DLGAP2: variants seen among roughly 807,000 people sequenced by gnomAD.
The protein encoded by DLGAP2 is disks large-associated protein 2.
A neutral mutation model predicts 100.3 loss-of-function variants in DLGAP2; 26 were observed. The observed-to-expected ratio is 0.26, with a 90% CI of 0.19 to 0.36. The LOEUF is 0.36. Ranked by LOEUF, DLGAP2 falls within the 10% of genes least tolerant of loss-of-function variation. The pLI, the probability that DLGAP2 is intolerant of heterozygous loss-of-function variation, is 1.00. For synonymous variants in DLGAP2, 886 were observed against 630.1 expected (o/e 1.41, Z -6.08); for missense variants, 1,858 against 1,453.2 (o/e 1.28, Z -4.53).
rs1013772542 is a variant in DLGAP2 at position 1,691,611 on chromosome 8, T to C, written c.2781T>C (p.Leu927=). 2 of 1,613,818 alleles carry C rather than the reference T, an allele frequency of 1.2e-6. No individual in the cohort carries two copies. The highest frequency in any genetic ancestry group is 2.7e-5 in the African/African-American group (2 of 74,936). ...AGAAATTCCAGCAGTTTTATTGGCT[T>C]TGCCAACAGAATATGGTAAGTGAAT... ...MSQKFQQFYW[L]CQQNMDPSAM... The change falls in exon 13 of 15, where the codon CTT becomes CTC. Residue 927 remains leucine (L), a synonymous_variant. Transcript: ENST00000637795.
At chr8:924,642 G>C (rs1197302971) in intron 2 of DLGAP2, among the ~76,000 whole-genome samples, 1 of 151,892 alleles carries the variant, frequency 6.6e-6, no homozygotes, top group African/African-American at 2.4e-5. Flanking sequence ...GAGTGCAATG[G>C]CGCGATCTCT....
At chr8:1,473,634 T>C (rs575410442) in intron 3 of DLGAP2, among the ~76,000 whole-genome samples, 18 of 152,300 alleles carry the variant, frequency 1.2e-4, no homozygotes, top group African/African-American at 4.1e-4. Flanking sequence ...GTGTAGGCTA[T>C]GGTATGGTTT....
intron 3 of DLGAP2, among the ~76,000 whole-genome samples, chr8:1,317,386 C>T (rs185025374): frequency 1.0e-5 from 1 of 95,990 alleles, no homozygotes. Context: ...AAAAATAGAG[C>T]CTGTGCGAGT....
chr8:1,190,812 G>C (rs983443180), intron 2 of DLGAP2, among the ~76,000 whole-genome samples: 4 of 151,950 alleles, frequency 2.6e-5, no homozygotes, highest in African/African-American at 9.7e-5. Context: ...CGTGGGGTCT[G>C]TAGGGGGCAG....
chr8:1,198,545 C>T (rs1051086371), intron 2 of DLGAP2, among the ~76,000 whole-genome samples: 8 of 152,226 alleles, frequency 5.3e-5, no homozygotes, highest in African/African-American at 1.4e-4. Flanking sequence ...GAGGAGGGCA[C>T]TCATGACTCA....
At chr8:1,146,104 C>T (rs1796601381) in intron 2 of DLGAP2, among the ~76,000 whole-genome samples, 2 of 152,160 alleles carry the variant, frequency 1.3e-5, no homozygotes, top group Admixed American at 6.5e-5. Flanking sequence ...CCCACACACC[C>T]ACTGCCAGGC....
At chr8:1,146,034 C>T (rs1458451281) in intron 2 of DLGAP2, among the ~76,000 whole-genome samples, 2 of 152,134 alleles carry the variant, frequency 1.3e-5, no homozygotes, top group East Asian at 1.9e-4. Flanking sequence ...CCCAGGATGC[C>T]GGGTGGCAGA....
chr8:1,092,252 C>A (rs1297515670), intron 2 of DLGAP2, among the ~76,000 whole-genome samples: 1 of 152,216 alleles, frequency 6.6e-6, no homozygotes, highest in East Asian at 1.9e-4. Flanking sequence ...GCTGTCTTCA[C>A]AATTTTCCAA....
intron 3 of DLGAP2, among the ~76,000 whole-genome samples, chr8:1,268,477 G>A (rs757672553): frequency 5.9e-5 from 9 of 152,336 alleles, no homozygotes; most frequent in Non-Finnish European, 1.2e-4. Context: ...GCGTCTGACA[G>A]CTGTCTTCCG....
At chr8:985,904 C>A (rs1034357139) in intron 2 of DLGAP2, among the ~76,000 whole-genome samples, 7 of 152,038 alleles carry the variant, frequency 4.6e-5, no homozygotes, top group East Asian at 1.9e-4. Flanking sequence ...CTCGATGAAA[C>A]CCTCTTCCTG....
chr8:1,102,270 T>C (rs985297916), intron 2 of DLGAP2, among the ~76,000 whole-genome samples: 1 of 147,530 alleles, frequency 6.8e-6, no homozygotes, highest in Admixed American at 6.8e-5. Flanking sequence ...TTTACATACA[T>C]ATATAATATA....
intron 2 of DLGAP2, among the ~76,000 whole-genome samples, chr8:1,198,118 G>C (rs558057947): frequency 1.3e-5 from 2 of 152,076 alleles, no homozygotes; most frequent in East Asian, 1.9e-4. Context: ...ACGTGTGTGC[G>C]TGTGTGCGTG....
chr8:1,046,873 C>T (rs992952029), intron 2 of DLGAP2, among the ~76,000 whole-genome samples: 1 of 152,052 alleles, frequency 6.6e-6, no homozygotes, highest in Non-Finnish European at 1.5e-5. Flanking sequence ...GGGGTCAAGG[C>T]CTCACCCATT....
chr8:844,733 G>A (rs1797043233), intron 1 of DLGAP2, among the ~76,000 whole-genome samples: 1 of 152,170 alleles, frequency 6.6e-6, no homozygotes, highest in African/African-American at 2.4e-5. Flanking sequence ...TTACTTATCT[G>A]TAACTCATAT....
intron 1 of DLGAP2, among the ~76,000 whole-genome samples, chr8:886,814 C>T (rs1797932567): frequency 1.3e-5 from 2 of 152,140 alleles, no homozygotes; most frequent in South Asian, 4.1e-4. Flanking sequence ...ATAATAGTTG[C>T]CATGTGGCAC....
intron 3 of DLGAP2, among the ~76,000 whole-genome samples, chr8:1,283,403 G>T (rs139375663): frequency 6.6e-6 from 1 of 152,192 alleles, no homozygotes; most frequent in African/African-American, 2.4e-5. Context: ...TAAAAGGCAC[G>T]TGTCTTTGGG....
At chr8:1,465,067 A>C (rs1003265770) in intron 3 of DLGAP2, among the ~76,000 whole-genome samples, 3 of 152,244 alleles carry the variant, frequency 2.0e-5, no homozygotes, top group African/African-American at 7.2e-5. Context: ...AGGGGTCACC[A>C]GCCAGGGATC....
intron 2 of DLGAP2, among the ~76,000 whole-genome samples, chr8:1,175,345 G>T (rs921392455): frequency 3.9e-4 from 59 of 152,252 alleles, no homozygotes; most frequent in Middle Eastern, 3.4e-3. Flanking sequence ...GTGAATCTCT[G>T]TAGCACATCT....
At chr8:841,577 G>T (rs1266374220) in intron 1 of DLGAP2, among the ~76,000 whole-genome samples, 1 of 152,114 alleles carries the variant, frequency 6.6e-6, no homozygotes, top group Non-Finnish European at 1.5e-5. Context: ...AAATACATGT[G>T]ATTTTTTTTT....
Sources: allele counts gnomAD v4.1 joint callset (sites outside exome capture counted in the v4.1 genomes callset), GRCh38; gene constraint gnomAD v4.1.1; transcripts MANE v1.5; gene names NCBI Gene and HGNC (gene_info 2026-07-23, HGNC 2026-07-21).